Variants in ZC3H13 observed in about 807,000 individuals in gnomAD.
ZC3H13 encodes the protein zinc finger CCCH domain-containing protein 13.
ZC3H13 carries 64 observed loss-of-function variants against 204.1 expected under a neutral mutation model. The ratio of observed to expected loss-of-function variants is 0.31; its 90% CI spans 0.26 to 0.39. The LOEUF is 0.39. Among genes scored for constraint, ZC3H13 ranks in the 10% least tolerant of loss-of-function variants. ZC3H13 has a pLI of 1.00. For missense variants in ZC3H13, 1,833 were observed against 2,082.7 expected (o/e 0.88, Z 2.33); for synonymous variants, 667 against 693.7 (o/e 0.96, Z 0.60).
At chr13:46,024,058 A>G (rs2042383839) in intron 4 of ZC3H13, among the ~76,000 whole-genome samples, 1 of 152,214 alleles carries the variant, frequency 6.6e-6, no homozygotes. Flanking sequence ...TTCTAACTGG[A>G]TTCGACTAAT....
At position 46,027,281 on chromosome 13, in the gene ZC3H13, G is replaced by A. The variant is rs139908551; in HGVS notation, c.340-6724C>T. Among the ~76,000 whole-genome samples, 62 of 152,022 alleles carry A rather than the reference G, an allele frequency of 4.1e-4. 1 individual carries two copies. The highest frequency in any genetic ancestry group is 3.7e-3 in the East Asian group (19 of 5,156). ...CACTACACCCGGCTAATTTCTGTAC[G>A]TTTTGTAGAGATGGGAGTTTTGCCA... On this transcript the variant is annotated intron_variant, in intron 4 of 18. Transcript: ENST00000679008.
intron 17 of ZC3H13, chr13:45,962,538 T>C (rs1022446372): frequency 2.0e-6 from 2 of 984,486 alleles, no homozygotes; most frequent in African/African-American, 1.7e-5. Flanking sequence ...GCAGATACAG[T>C]AGGGCAAGAA....
chr13:45,957,754 T>C (rs1951367822), intron 18 of ZC3H13, among the ~76,000 whole-genome samples: 1 of 152,168 alleles, frequency 6.6e-6, no homozygotes, highest in South Asian at 2.1e-4. Flanking sequence ...CTTCCTCACA[T>C]AGTTTTTCCT....
chr13:45,993,508 G>C (rs1296033426), intron 8 of ZC3H13, among the ~76,000 whole-genome samples: 1 of 152,218 alleles, frequency 6.6e-6, no homozygotes, highest in African/African-American at 2.4e-5. Flanking sequence ...CAATTTATGA[G>C]AGAACAGAGT....
At chr13:45,985,135 A>T (rs1272706264) in intron 10 of ZC3H13, among the ~76,000 whole-genome samples, 162 bp downstream of exon 10, 2 of 152,234 alleles carry the variant, frequency 1.3e-5, no homozygotes, top group Admixed American at 6.5e-5. Context: ...TATTTTAACT[A>T]GTAATTCCAA....
intron 17 of ZC3H13, chr13:45,962,053 G>C: frequency 3.8e-6 from 2 of 523,748 alleles, no homozygotes; most frequent in Non-Finnish European, 4.9e-6. Flanking sequence ...CACTTGAATA[G>C]ACAAAATGGA....
intron 4 of ZC3H13, among the ~76,000 whole-genome samples, chr13:46,038,828 C>A (rs1426938594): frequency 6.6e-6 from 1 of 152,124 alleles, no homozygotes; most frequent in Non-Finnish European, 1.5e-5. Flanking sequence ...CAAGACCAGC[C>A]TGCCCAACAT....
At chr13:45,968,130 A>C in intron 14 of ZC3H13, 102 bp from the exon 15 acceptor site, 1 of 1,229,164 alleles carries the variant, frequency 8.1e-7, no homozygotes, top group Non-Finnish European at 1.1e-6. Context: ...ACCTTTTTCC[A>C]TATTCTATGT....
At chr13:46,021,159 A>G (rs1487905094) in intron 4 of ZC3H13, among the ~76,000 whole-genome samples, 2 of 152,032 alleles carry the variant, frequency 1.3e-5, no homozygotes, top group Non-Finnish European at 2.9e-5. Flanking sequence ...TTACAAAAAT[A>G]TATTTTACCC....
At chr13:46,025,294 C>A (rs898829083) in intron 4 of ZC3H13, among the ~76,000 whole-genome samples, 11 of 152,106 alleles carry the variant, frequency 7.2e-5, no homozygotes, top group African/African-American at 2.4e-4. Flanking sequence ...TTGATCTTAT[C>A]TATCTATCCC....
In ZC3H13 at chr13:46,000,140, G is replaced by A. The variant is rs564998143; in HGVS notation, c.944+2999C>T. Among the ~76,000 whole-genome samples the A allele has an allele frequency of 2.0e-3, 300 of 152,264 alleles. 2 individuals are homozygous for A. The highest frequency in any genetic ancestry group is 2.4e-3 in the Non-Finnish European group (164 of 68,030). ...TTAAAAATCCTAGGATTTTCAGGATGGTAAATGAGCACTGGCTTCACCTTA... is the reference window on the plus strand; with the variant it reads ...TTAAAAATCCTAGGATTTTCAGGATAGTAAATGAGCACTGGCTTCACCTTA... On this transcript the variant is annotated intron_variant, in intron 8 of 18. Coordinates refer to ENST00000679008, the MANE Select transcript of ZC3H13 (RefSeq NM_001330564.2).
At chr13:45,975,895 G>T in intron 11 of ZC3H13, 57 bp from the exon 12 acceptor site, 1 of 1,548,982 alleles carries the variant, frequency 6.5e-7, no homozygotes, top group Non-Finnish European at 8.7e-7. Flanking sequence ...CTATTGGTAA[G>T]ACAGCATGGT....
intron 4 of ZC3H13, among the ~76,000 whole-genome samples, chr13:46,024,919 T>A (rs1178626007): frequency 6.6e-6 from 1 of 152,220 alleles, no homozygotes; most frequent in Non-Finnish European, 1.5e-5. Flanking sequence ...TAACTTTCTA[T>A]GCCTAAAATC....
chr13:46,042,406 AACTG>A (rs2043649606), intron 3 of ZC3H13, 131 bp from the exon 4 acceptor site: 1 of 577,536 alleles, frequency 1.7e-6, no homozygotes, highest in African/African-American at 1.9e-5. Flanking sequence ...CACTTTTTCT[AACTG>A]ACCTTGACTC....
chr13:46,011,447 C>G lies in ZC3H13; in HGVS notation c.556G>C (p.Glu186Gln). ...ELMKLEQENMEKREEIIIKKE... is the reference protein window; with the variant it reads ...ELMKLEQENMQKREEIIIKKE... The stretch of plus-strand genomic sequence containing the variant: ...TTAATGATAATTTCTTCTCTCTTCT[C>G]CATGTTTTCTTGTTCCAGCTTCATT... The change falls in exon 6 of 19, where the codon GAG (glutamate) becomes CAG (glutamine). Residue 186 changes from glutamate to glutamine, a missense_variant. By Grantham distance (29) the Glu-to-Gln change is conservative. Around this residue, in one of 5 missense-constraint regions of ZC3H13, gnomAD observed 1,574 missense variants for 1,757.2 expected, o/e 0.90. Coordinates refer to ENST00000679008, the MANE Select transcript of ZC3H13 (RefSeq NM_001330564.2). 1 of 1,606,382 alleles carries G rather than the reference C, an allele frequency of 6.2e-7. No individual in the cohort carries two copies. Among genetic ancestry groups the G allele is most frequent in the Non-Finnish European group, 8.5e-7 (1 of 1,176,980 alleles).
chr13:45,976,751 C>G (rs1191883961), intron 11 of ZC3H13, among the ~76,000 whole-genome samples: 6 of 152,158 alleles, frequency 3.9e-5, no homozygotes, highest in Non-Finnish European at 8.8e-5. Context: ...TTGAAAGCAA[C>G]TACTGCGGTC....
intron 8 of ZC3H13, among the ~76,000 whole-genome samples, chr13:45,998,489 CA>C (rs879538790): frequency 8.1e-5 from 12 of 147,858 alleles, no homozygotes; most frequent in Admixed American, 2.7e-4. Context: ...ACTAAAAATA[CA>C]AAAAAAAAAT....
At chr13:46,000,755 A>G (rs938089405) in intron 8 of ZC3H13, among the ~76,000 whole-genome samples, 1 of 152,150 alleles carries the variant, frequency 6.6e-6, no homozygotes, top group Non-Finnish European at 1.5e-5. Context: ...GCTGACTGGC[A>G]CAAGAGATCT....
At chr13:46,022,264 T>C (rs2042263611) in intron 4 of ZC3H13, among the ~76,000 whole-genome samples, 1 of 151,940 alleles carries the variant, frequency 6.6e-6, no homozygotes, top group Non-Finnish European at 1.5e-5. Context: ...AGAGACTGAA[T>C]GCAGGCTTAA....
Sources: allele counts gnomAD v4.1 joint callset (sites outside exome capture counted in the v4.1 genomes callset), GRCh38; gene constraint gnomAD v4.1.1; regional missense constraint gnomAD v4.1.1; transcripts MANE v1.5; gene names NCBI Gene and HGNC (gene_info 2026-07-23, HGNC 2026-07-21).